The following GPX1 variants were observed in gnomAD, a reference collection of about 807,000 sequenced individuals.
GPX1 encodes glutathione peroxidase 1, also known as GSHPx-1.
A neutral mutation model predicts 11.5 loss-of-function variants in GPX1; 8 were observed. The observed-to-expected ratio is 0.70, with a 90% CI of 0.41 to 1.25. The LOEUF (loss-of-function observed/expected upper bound fraction) is 1.25, where lower values mean the gene tolerates loss of function less well. Ranked by LOEUF, GPX1 falls within the 50% of genes most tolerant of loss-of-function variation. The pLI is 0.01. For synonymous variants in GPX1, 142 were observed against 127.8 expected (o/e 1.11, Z -0.75); for missense variants, 266 against 284.3 (o/e 0.94, Z 0.46).
chr3:49,358,208 A>C lies in GPX1; in HGVS notation c.71T>G (p.Leu24Arg). The change falls in exon 1 of 2, where the codon CTG becomes CGG. Residue 24 changes from leucine (L) to arginine (R), a missense_variant. Coordinates refer to ENST00000419783, the MANE Select transcript of GPX1 (RefSeq NM_000581.4). ...QSVYAFSARP[L>R]AGGEPVSLGS... ...CAGGCTCACAGGCTCCCCGCCGGCC[A>C]GCGGGCGCGCCGAGAAGGCATACAC... The C allele has an allele frequency of 6.4e-7, 1 of 1,553,184 alleles. No homozygotes were observed. The highest frequency in any genetic ancestry group is 2.0e-5 in the Admixed American group (1 of 51,154).
chr3:49,357,784 G>C (rs754837629), intron 1 of GPX1, 37 bp from the exon 2 acceptor site: 1 of 1,576,336 alleles, frequency 6.3e-7, no homozygotes, highest in Non-Finnish European at 8.6e-7. Context: ...CCGGGGTCAA[G>C]AGGAGGAGAG....
At chr3:49,357,826 CTA>C (rs1006683422) in intron 1 of GPX1, 79 bp from the exon 2 acceptor site, 9 of 1,533,654 alleles carry the variant, frequency 5.9e-6, no homozygotes, top group South Asian at 5.0e-5. Context: ...GGGAGATTTT[CTA>C]TGAGTCACCG....
In GPX1 at chr3:49,358,323, T is replaced by C. The variant is rs915918401; in HGVS notation, c.-45A>G. The C allele has an allele frequency of 2.3e-5, 34 of 1,492,194 alleles. 1 individual carries two copies. The highest frequency in any genetic ancestry group is 1.7e-4 in the African/African-American group (12 of 70,936). 92.4% of individuals were successfully genotyped at this position (1,492,194 alleles called of 1,614,324 possible). On this transcript the variant is annotated 5_prime_UTR_variant, in exon 1 of 2. Coordinates refer to ENST00000419783, the MANE Select transcript of GPX1 (RefSeq NM_000581.4). ...CCAGCGGAGCGCCCCGAACAAGCACTGTAAGGGGAGGCCAGCAGGCGCCTC... is the reference window on the plus strand; with the variant it reads ...CCAGCGGAGCGCCCCGAACAAGCACCGTAAGGGGAGGCCAGCAGGCGCCTC...
intron 1 of GPX1, 33 bp downstream of exon 1, chr3:49,357,994 C>T (rs753304196): frequency 1.9e-6 from 3 of 1,585,494 alleles, no homozygotes; most frequent in East Asian, 2.3e-5. Context: ...ACTGCACGTC[C>T]GCCCCCGCCC....
At position 49,357,310 on chromosome 3, in the gene GPX1, G is replaced by T; in HGVS notation, c.*78C>A. ...GGTGTTCCTCCCTCGTAGGTTTAGA[G>T]GAAACACCCTCATAGATGAAAACCC... is the stretch of plus-strand genomic sequence containing the variant. On this transcript the variant is annotated 3_prime_UTR_variant, in exon 2 of 2. Transcript: ENST00000419783. The T allele has an allele frequency of 7.2e-7, 1 of 1,396,840 alleles. No individual in the cohort carries two copies. Among genetic ancestry groups the T allele is most frequent in the Non-Finnish European group, 9.9e-7 (1 of 1,011,088 alleles). 86.5% of individuals were successfully genotyped at this position (1,396,840 alleles called of 1,614,324 possible). A position where few individuals can be genotyped will look rare whatever the true frequency, so the allele number is the denominator to read the frequency against.
In GPX1 at chr3:49,358,302, C is replaced by T. The variant is rs952620890; in HGVS notation, c.-24G>A. On this transcript the variant is annotated 5_prime_UTR_variant, in exon 1 of 2. Coordinates refer to ENST00000419783, the MANE Select transcript of GPX1 (RefSeq NM_000581.4). Reference sequence around the variant, plus strand: ...ATGGCGCAATTGTCCAAGAAGCCAGCGGAGCGCCCCGAACAAGCACTGTAA... The same window carrying T: ...ATGGCGCAATTGTCCAAGAAGCCAGTGGAGCGCCCCGAACAAGCACTGTAA... 8 of 1,527,376 alleles carry T rather than the reference C, an allele frequency of 5.2e-6. No individual in the cohort carries two copies. Among genetic ancestry groups the T allele is most frequent in the Middle Eastern group, 2.3e-4 (1 of 4,284 alleles). 94.6% of individuals were successfully genotyped at this position (1,527,376 alleles called of 1,614,324 possible).
Position 49,358,118 on chromosome 3 carries a change from C to G in GPX1, c.161G>C (p.Arg54Pro). The G allele has an allele frequency of 6.2e-7, 1 of 1,610,638 alleles. No homozygotes were observed. Among genetic ancestry groups the G allele is most frequent in the East Asian group, 2.2e-5 (1 of 44,844 alleles). The change falls in exon 1 of 2, where the codon CGG (arginine) becomes CCG (proline). Residue 54 changes from arginine (R) to proline (P), a missense_variant. By Grantham distance (103) the Arg-to-Pro change is moderately radical. Transcript: ENST00000419783. ...CAGCTCGTTCATCTGGGTGTAGTCC[C>G]GGACCGTGGTGCCTCAGAGGGACGC... ...NVASLUGTTVRDYTQMNELQR... is the reference protein window; with the variant it reads ...NVASLUGTTVPDYTQMNELQR...
chr3:49,357,519 C>A lies in GPX1; in HGVS notation c.481G>T (p.Ala161Ser), dbSNP rs1175340780. The A allele has an allele frequency of 2.5e-6, 4 of 1,613,620 alleles. No individual in the cohort carries two copies. The highest frequency in any genetic ancestry group is 2.2e-5 in the South Asian group (2 of 91,052). ...ACCAGGAACTTCTCAAAGTTCCAGG[C>A]AACATCGTTGCGACACACCGGAGAC... ...TWSPVCRNDV[A>S]WNFEKFLVGP... Residue 161 changes from alanine to serine, a missense_variant, in exon 2 of 2, where the codon GCC (alanine) becomes TCC (serine). Coordinates refer to ENST00000419783, the MANE Select transcript of GPX1 (RefSeq NM_000581.4).
At position 49,357,602 on chromosome 3, in the gene GPX1, A is replaced by G; in HGVS notation, c.398T>C (p.Leu133Pro). The stretch of plus-strand genomic sequence containing the variant: ...GGTGGCGTCGTCGCTGGGAGCTGGC[A>G]GGGCCTCCCGCAGGAAGGCGAAGAG... ...HPLFAFLREALPAPSDDATAL... is the reference protein window; with the variant it reads ...HPLFAFLREAPPAPSDDATAL... The change falls in exon 2 of 2, where the codon CTG (leucine) becomes CCG (proline). Residue 133 changes from leucine to proline, a missense_variant. Transcript: ENST00000419783. 1.2e-5 allele frequency: 20 copies of G among 1,613,184 alleles called. No homozygotes were observed. The highest frequency in any genetic ancestry group is 1.7e-5 in the Non-Finnish European group (20 of 1,179,870).
In GPX1 at chr3:49,357,756, G is replaced by A. The variant is rs1416231073; in HGVS notation, c.253-9C>T. On this transcript the variant is annotated splice_polypyrimidine_tract_variant and intron_variant, in intron 1 of 1. Coordinates refer to ENST00000419783, the MANE Select transcript of GPX1 (RefSeq NM_000581.4). ...TCGTTCTTGGCGTTCTCCTACAGGA[G>A]AGAAGGGCAGCTAGAACCCGGGGTC... is the stretch of plus-strand genomic sequence containing the variant. 1.9e-6 allele frequency: 3 copies of A among 1,594,492 alleles called. No homozygotes were observed. Among genetic ancestry groups the A allele is most frequent in the Non-Finnish European group, 2.6e-6 (3 of 1,166,090 alleles).
chr3:49,357,999 C>T, intron 1 of GPX1, 28 bp downstream of exon 1: 1 of 1,592,164 alleles, frequency 6.3e-7, no homozygotes, highest in South Asian at 1.1e-5. Context: ...ACGTCCGCCC[C>T]CGCCCCGCCC....
At position 49,358,214 on chromosome 3, in the gene GPX1, C is replaced by T. The variant is rs938624254; in HGVS notation, c.65G>A (p.Arg22His). The T allele has an allele frequency of 1.3e-6, 2 of 1,548,632 alleles. No individual in the cohort carries two copies. Among genetic ancestry groups the T allele is most frequent in the East Asian group, 2.4e-5 (1 of 40,976 alleles). Residue 22 changes from arginine (R) to histidine (H), a missense_variant, in exon 1 of 2, where the codon CGC becomes CAC. Arg to His is a conservative substitution (Grantham distance 29). Transcript: ENST00000419783. ...AAQSVYAFSA[R>H]PLAGGEPVSL... ...CACAGGCTCCCCGCCGGCCAGCGGG[C>T]GCGCCGAGAAGGCATACACCGACTG...
rs565112820 is a variant in GPX1, at chr3:49,358,123, C to A, written c.156G>T (p.Thr52=). 1.2e-6 allele frequency: 2 copies of A among 1,610,462 alleles called. No homozygotes were observed. The highest frequency in any genetic ancestry group is 1.3e-5 in the African/African-American group (1 of 74,938). The part of the protein sequence containing the change: ...IENVASLUGT[T]VRDYTQMNEL... Reference sequence around the variant, plus strand: ...CGTTCATCTGGGTGTAGTCCCGGACCGTGGTGCCTCAGAGGGACGCCACAT... The same window carrying A: ...CGTTCATCTGGGTGTAGTCCCGGACAGTGGTGCCTCAGAGGGACGCCACAT... Residue 52 remains threonine (T), a synonymous_variant, in exon 1 of 2, where the codon ACG becomes ACT. Coordinates refer to ENST00000419783, the MANE Select transcript of GPX1 (RefSeq NM_000581.4).
rs1204626735 is a variant in GPX1, at chr3:49,358,051, G to A, written c.228C>T (p.Phe76=). ...CCTGATGCCCAAACTGGTTGCACGG[G>A]AAGCCGAGCACCACCAGGCCCCGGG... is the stretch of plus-strand genomic sequence containing the variant. ...LGPRGLVVLG[F]PCNQFGHQEN... The change falls in exon 1 of 2, where the codon TTC becomes TTT. Residue 76 remains phenylalanine (F), a synonymous_variant. Transcript: ENST00000419783. 4 of 1,610,578 alleles carry A rather than the reference G, an allele frequency of 2.5e-6. No individual in the cohort carries two copies. The highest frequency in any genetic ancestry group is 2.2e-5 in the South Asian group (2 of 90,932).
chr3:49,357,257 T>C lies in GPX1; in HGVS notation c.*131A>G. On this transcript the variant is annotated 3_prime_UTR_variant, in exon 2 of 2. Coordinates refer to ENST00000419783, the MANE Select transcript of GPX1 (RefSeq NM_000581.4). Reference sequence around the variant, plus strand: ...CTGGGATCAACAGGACCAGCACCCATCTCGAGGTGGTATTTTCTGTAAGAT... The same window carrying C: ...CTGGGATCAACAGGACCAGCACCCACCTCGAGGTGGTATTTTCTGTAAGAT... The C allele has an allele frequency of 1.1e-6, 1 of 897,380 alleles. No homozygotes were observed. The highest frequency in any genetic ancestry group is 2.6e-5 in the East Asian group (1 of 38,234). 55.6% of individuals were successfully genotyped at this position (897,380 alleles called of 1,614,324 possible).
Position 49,358,160 on chromosome 3 carries a change from A to T in GPX1, c.119T>A (p.Leu40Gln), listed in dbSNP as rs2047882676. 2 of 1,597,516 alleles carry T rather than the reference A, an allele frequency of 1.3e-6. No individual in the cohort carries two copies. The highest frequency in any genetic ancestry group is 1.7e-6 in the Non-Finnish European group (2 of 1,172,722). ...GAGGGACGCCACATTCTCGATAAGT[A>T]GTACCTTGCCCCGCAGGGAGCCCAG... ...VSLGSLRGKV[L>Q]LIENVASLUG... Residue 40 changes from leucine (L) to glutamine (Q), a missense_variant, in exon 1 of 2, where the codon CTA (leucine) becomes CAA (glutamine). Transcript: ENST00000419783.
At chr3:49,357,883 C>A in intron 1 of GPX1, 136 bp from the exon 2 acceptor site, 1 of 1,515,126 alleles carries the variant, frequency 6.6e-7, no homozygotes, top group Non-Finnish European at 8.8e-7. Flanking sequence ...AGAGGAATTT[C>A]AGCAGCTACG....
In GPX1 at chr3:49,358,334, G is replaced by T; in HGVS notation, c.-56C>A. On this transcript the variant is annotated 5_prime_UTR_variant, in exon 1 of 2. Coordinates refer to ENST00000419783, the MANE Select transcript of GPX1 (RefSeq NM_000581.4). ...CCCCGAACAAGCACTGTAAGGGGAG[G>T]CCAGCAGGCGCCTCCTTTTAACTGG... The T allele has an allele frequency of 2.7e-6, 4 of 1,468,542 alleles. No homozygotes were observed. In the South Asian group the frequency reaches 5.5e-5, roughly 20 times the overall value. 91.0% of individuals were successfully genotyped at this position (1,468,542 alleles called of 1,614,324 possible). A position where few individuals can be genotyped will look rare whatever the true frequency, so the allele number is the denominator to read the frequency against.
rs747656004 is a variant in GPX1, at chr3:49,357,596, G to A, written c.404C>T (p.Ala135Val). The change falls in exon 2 of 2, where the codon GCT (alanine) becomes GTT (valine). Residue 135 changes from alanine (A) to valine (V), a missense_variant. Transcript: ENST00000419783. ...AAGCGCGGTGGCGTCGTCGCTGGGA[G>A]CTGGCAGGGCCTCCCGCAGGAAGGC... is the stretch of plus-strand genomic sequence containing the variant. ...LFAFLREALP[A>V]PSDDATALMT... 15 of 1,613,026 alleles carry A rather than the reference G, an allele frequency of 9.3e-6. No homozygotes were observed. Among genetic ancestry groups the A allele is most frequent in the Non-Finnish European group, 1.3e-5 (15 of 1,179,888 alleles).
Sources: gnomAD v4.1 joint callset for allele counts on GRCh38, gnomAD v4.1.1 for gene constraint, MANE v1.5 for transcripts, NCBI Gene and HGNC (gene_info 2026-07-23, HGNC 2026-07-21) for gene names.